The following GRIP1 variants were observed in gnomAD, a reference collection of about 807,000 sequenced individuals.
The protein encoded by GRIP1 is glutamate receptor interacting protein 1.
Under a neutral mutation model 129.9 loss-of-function variants are expected in GRIP1, and 45 were observed. The observed-to-expected ratio is 0.35, with a 90% CI of 0.27 to 0.44. GRIP1 has a LOEUF of 0.44. Among genes scored for constraint, GRIP1 ranks in the 20% least tolerant of loss-of-function variants. The probability of loss-of-function intolerance (pLI) is 1.00; values close to 1 mark genes in which losing one functional copy is unlikely to be tolerated. For missense variants in GRIP1, 1,196 were observed against 1,396.8 expected (o/e 0.86, Z 2.29); for synonymous variants, 530 against 520.8 (o/e 1.02, Z -0.24).
chr12:66,953,182 T>C (rs1194597190), intron 1 of GRIP1, among the ~76,000 whole-genome samples: 3 of 152,226 alleles, frequency 2.0e-5, no homozygotes, highest in Non-Finnish European at 4.4e-5. Flanking sequence ...TTTATCAATA[T>C]TTATTGAGTG....
At chr12:66,478,116 T>C (rs1592396083) in intron 7 of GRIP1, among the ~76,000 whole-genome samples, 2 of 152,252 alleles carry the variant, frequency 1.3e-5, no homozygotes, top group African/African-American at 4.8e-5. Context: ...AGAAAATTTT[T>C]GCAATCTACC....
At position 66,938,827 on chromosome 12, in the gene GRIP1, C is replaced by T. The variant is rs538803019; in HGVS notation, c.58+130223G>A. On this transcript the variant is annotated intron_variant, in intron 1 of 1. Coordinates refer to the GRIP1 transcript ENST00000643019. ...CAAAAATTAGCCAGGCGTGGTGGTG[C>T]ATGCCTGTAGTCCCAGCTACTCTGG... is the stretch of plus-strand genomic sequence containing the variant. Among the ~76,000 whole-genome samples, 7 of 152,172 alleles carry T rather than the reference C, an allele frequency of 4.6e-5. No individual in the cohort carries two copies. The South Asian group carries it at 1.5e-3, about 32-fold the overall frequency.
Position 66,916,268 on chromosome 12 carries a change from T to A in GRIP1, c.58+152782A>T, listed in dbSNP as rs552177279. On this transcript the variant is annotated intron_variant, in intron 1 of 1. Transcript: ENST00000643019. The stretch of plus-strand genomic sequence containing the variant: ...GGCCCCTGCAAATAACACGGAGGTA[T>A]CTGTACATCAACTCCCTGAGGCTGG... 1.2e-3 allele frequency among the ~76,000 whole-genome samples: 179 copies of A among 152,320 alleles called. 2 individuals are homozygous for A. The highest frequency in any genetic ancestry group is 4.1e-3 in the African/African-American group (172 of 41,582).
At chr12:66,550,243 G>A (rs2062080095) in intron 2 of GRIP1, among the ~76,000 whole-genome samples, 2 of 152,054 alleles carry the variant, frequency 1.3e-5, no homozygotes, top group African/African-American at 4.8e-5. Context: ...GATAATAATG[G>A]TATCTACTTA....
chr12:66,766,081 A>G (rs563611788), intron 1 of GRIP1, among the ~76,000 whole-genome samples: 1 of 152,206 alleles, frequency 6.6e-6, no homozygotes, highest in Non-Finnish European at 1.5e-5. Flanking sequence ...CACTATGAAA[A>G]TATGCTCAGA....
At chr12:66,997,851 T>C (rs1284470484) in intron 1 of GRIP1, among the ~76,000 whole-genome samples, 1 of 152,158 alleles carries the variant, frequency 6.6e-6, no homozygotes, top group Non-Finnish European at 1.5e-5. Flanking sequence ...CCTCTAAATG[T>C]ATGCTTTTGT....
At chr12:66,370,918 T>C (rs1466880157) in intron 23 of GRIP1, among the ~76,000 whole-genome samples, 7 of 152,158 alleles carry the variant, frequency 4.6e-5, no homozygotes, top group Non-Finnish European at 1.0e-4. Flanking sequence ...CCAAGACATC[T>C]AACACATCTT....
chr12:66,856,307 C>G (rs2040002568), intron 1 of GRIP1, among the ~76,000 whole-genome samples: 1 of 152,066 alleles, frequency 6.6e-6, no homozygotes, highest in Non-Finnish European at 1.5e-5. Flanking sequence ...AGGACATAGG[C>G]ATGGGCAAGG....
chr12:66,952,285 T>A (rs868234939), intron 1 of GRIP1, among the ~76,000 whole-genome samples: 2 of 152,122 alleles, frequency 1.3e-5, no homozygotes, highest in Non-Finnish European at 2.9e-5. Context: ...GGCCATCAGA[T>A]AGAATGCTGG....
chr12:67,015,544 T>C (rs2042773245), intron 1 of GRIP1, among the ~76,000 whole-genome samples: 1 of 152,142 alleles, frequency 6.6e-6, no homozygotes, highest in Admixed American at 6.6e-5. Context: ...GGAGAAGCAC[T>C]CTAAAAAGAC....
chr12:66,970,290 C>T (rs1042908421), intron 1 of GRIP1, among the ~76,000 whole-genome samples: 1 of 152,106 alleles, frequency 6.6e-6, no homozygotes, highest in East Asian at 1.9e-4. Context: ...CCATGTTGCC[C>T]AGGATGCTCT....
chr12:66,597,123 T>C (rs1012628472), intron 1 of GRIP1, among the ~76,000 whole-genome samples, 196 bp from the exon 2 acceptor site: 4 of 152,168 alleles, frequency 2.6e-5, no homozygotes, highest in African/African-American at 7.2e-5. Flanking sequence ...TCTTCCCCTA[T>C]AAAAGAGAGA....
chr12:66,535,461 T>G (rs1307089640), intron 4 of GRIP1, among the ~76,000 whole-genome samples: 1 of 152,184 alleles, frequency 6.6e-6, no homozygotes, highest in East Asian at 1.9e-4. Context: ...GTCTCAATAA[T>G]GATCATGTGA....
At chr12:66,936,744 T>A (rs1476638799) in intron 1 of GRIP1, among the ~76,000 whole-genome samples, 6 of 152,154 alleles carry the variant, frequency 3.9e-5, no homozygotes, top group Admixed American at 1.3e-4. Context: ...TCTGTCTAAC[T>A]CTTAGGGGAA....
At chr12:67,044,565 A>T (rs1252502561) in intron 1 of GRIP1, among the ~76,000 whole-genome samples, 1 of 152,232 alleles carries the variant, frequency 6.6e-6, no homozygotes, top group Non-Finnish European at 1.5e-5. Flanking sequence ...AACTGTTGTC[A>T]TAATCATAAT....
rs185365452 is a variant in GRIP1, at chr12:66,824,645, G to A, written c.59-227718C>T. Among the ~76,000 whole-genome samples, 15 of 152,192 alleles carry A rather than the reference G, an allele frequency of 9.9e-5. No homozygotes were observed. In the East Asian group the frequency reaches 2.9e-3, roughly 29 times the overall value. ...TTAAATAACTGTGGTTTATATAGAG[G>A]AAGCACAGGGAAACTCATGATTCAA... On this transcript the variant is annotated intron_variant, in intron 1 of 1. Transcript: ENST00000643019.
chr12:66,416,030 T>C lies in GRIP1; in HGVS notation c.1838+4690A>G, dbSNP rs547287128. On this transcript the variant is annotated intron_variant, in intron 15 of 24. Coordinates refer to ENST00000359742, the MANE Select transcript of GRIP1 (RefSeq NM_001366722.1). ...GCAAACCATGGCACACATTTACCTA[T>C]GTAACAAACCTGCACATCCTGCACA... Among the ~76,000 whole-genome samples the C allele has an allele frequency of 2.4e-4, 36 of 151,994 alleles. No individual in the cohort carries two copies. The East Asian group carries it at 6.6e-3, about 28-fold the overall frequency.
At chr12:66,986,214 T>C (rs938412940) in intron 1 of GRIP1, among the ~76,000 whole-genome samples, 1 of 152,128 alleles carries the variant, frequency 6.6e-6, no homozygotes, top group Admixed American at 6.5e-5. Context: ...ATAGGAACAC[T>C]TTTACACTGT....
intron 1 of GRIP1, among the ~76,000 whole-genome samples, chr12:66,656,693 T>C (rs1253655459): frequency 6.6e-6 from 1 of 152,204 alleles, no homozygotes; most frequent in African/African-American, 2.4e-5. Flanking sequence ...GCTGTATCCT[T>C]AGGTGTTTAA....
Sources: gnomAD v4.1 joint callset for allele counts (sites outside exome capture counted in the v4.1 genomes callset) on GRCh38, gnomAD v4.1.1 for gene constraint, MANE v1.5 for transcripts, NCBI Gene and HGNC (gene_info 2026-07-23, HGNC 2026-07-21) for gene names.